Variants in MINDY2 observed in about 807,000 individuals in gnomAD.
MINDY2 encodes ubiquitin carboxyl-terminal hydrolase MINDY-2.
A neutral mutation model predicts 68.2 loss-of-function variants in MINDY2; 52 were observed. The ratio of observed to expected loss-of-function variants is 0.76; its 90% confidence interval spans 0.61 to 0.96. MINDY2 has a LOEUF of 0.96. Ranked by LOEUF, MINDY2 falls within the 40% of genes least tolerant of loss-of-function variation. The probability of loss-of-function intolerance (pLI) is 0.00; values close to 1 mark genes in which losing one functional copy is unlikely to be tolerated. For synonymous variants in MINDY2, 372 were observed against 303.0 expected, an observed-to-expected ratio of 1.23 and a Z score of -2.36; for missense variants, 881 against 773.4, an observed-to-expected ratio of 1.14 and a Z score of -1.65.
At chr15:58,843,708 C>T (rs1259364757) in intron 6 of MINDY2, among the ~76,000 whole-genome samples, 3 of 151,652 alleles carry the variant, frequency 2.0e-5, no homozygotes, top group Non-Finnish European at 4.4e-5. Context: ...GTGGTGGGCA[C>T]CTGTAGTCCC....
In MINDY2 at chr15:58,814,776, A is replaced by T. The variant is rs186885475; in HGVS notation, c.1122+4388A>T. On this transcript the variant is annotated intron_variant, in intron 4 of 8. Coordinates refer to ENST00000559228, the MANE Select transcript of MINDY2 (RefSeq NM_001040450.3). Reference sequence around the variant, plus strand: ...TCTCTTGTCAGATATATGACTTGGAAATATTCTTTAATTTTAACTTTTTTT... The same window carrying T: ...TCTCTTGTCAGATATATGACTTGGATATATTCTTTAATTTTAACTTTTTTT... Among the ~76,000 whole-genome samples, 66 of 150,974 alleles carry T rather than the reference A, an allele frequency of 4.4e-4. 1 individual carries two copies. The South Asian group carries it at 9.4e-3, about 22-fold the overall frequency.
chr15:58,837,968 CAA>C (rs34909401), intron 6 of MINDY2, among the ~76,000 whole-genome samples: 1,632 of 75,110 alleles, frequency 0.022, 18 homozygotes, highest in African/African-American at 0.051. Context: ...GACCTTCTTT[CAA>C]AAAAAAAAAA....
intron 6 of MINDY2, among the ~76,000 whole-genome samples, chr15:58,845,847 C>T (rs1279278325): frequency 1.3e-5 from 2 of 152,136 alleles, no homozygotes; most frequent in Admixed American, 6.5e-5. Context: ...ACATACACAA[C>T]GGAGCACTAT....
intron 4 of MINDY2, among the ~76,000 whole-genome samples, chr15:58,816,513 C>T (rs1489258375): frequency 6.6e-6 from 1 of 152,006 alleles, no homozygotes; most frequent in Non-Finnish European, 1.5e-5. Context: ...TCAAGGAATC[C>T]TCCCACCTCA....
intron 5 of MINDY2, among the ~76,000 whole-genome samples, chr15:58,829,462 A>G (rs1214058766): frequency 9.2e-5 from 14 of 152,176 alleles, no homozygotes; most frequent in African/African-American, 2.4e-4. Flanking sequence ...CTCTGAGCCT[A>G]TGTCCTATTC....
At chr15:58,825,154 T>C (rs1460900298) in intron 5 of MINDY2, among the ~76,000 whole-genome samples, 1 of 152,238 alleles carries the variant, frequency 6.6e-6, no homozygotes, top group Non-Finnish European at 1.5e-5. Flanking sequence ...TCAAACATTT[T>C]ATTTCCTATC....
In MINDY2 at chr15:58,772,053, GA is replaced by G; in HGVS notation, c.659del (p.Glu220GlyfsTer62). 1.2e-6 allele frequency: 2 copies of G among 1,607,712 alleles called. No individual in the cohort carries two copies. Among genetic ancestry groups the G allele is most frequent in the Non-Finnish European group, 1.7e-6 (2 of 1,176,650 alleles). On this transcript the variant is annotated frameshift_variant, in exon 1 of 9. Transcript: ENST00000559228. LOFTEE classifies it high-confidence loss of function. ...GCCCGGGGCTGTTCCTCTGTGCAAG[GA>G]GGAGGAGGGGGAGGAGACCGCTCAG... ...VLPGAVPLCK[E>X]EEGEETAQVL...
At chr15:58,810,585 C>G (rs2030167624) in intron 4 of MINDY2, among the ~76,000 whole-genome samples, 197 bp downstream of exon 4, 1 of 152,154 alleles carries the variant, frequency 6.6e-6, no homozygotes, top group East Asian at 1.9e-4. Flanking sequence ...CTCTAAGGAG[C>G]TAGGGCCCAA....
At chr15:58,776,080 G>A (rs1384914906) in intron 1 of MINDY2, among the ~76,000 whole-genome samples, 4 of 151,944 alleles carry the variant, frequency 2.6e-5, no homozygotes, top group African/African-American at 7.3e-5. Context: ...GGCTGGTCTC[G>A]AACTCCTGAC....
At chr15:58,847,204 C>T in intron 6 of MINDY2, 93 bp from the exon 7 acceptor site, 2 of 962,000 alleles carry the variant, frequency 2.1e-6, no homozygotes, top group East Asian at 5.1e-5. Flanking sequence ...TTAATATATT[C>T]TGAAGATACA....
At chr15:58,775,036 C>T (rs554685259) in intron 1 of MINDY2, among the ~76,000 whole-genome samples, 8 of 152,264 alleles carry the variant, frequency 5.3e-5, no homozygotes, top group Admixed American at 1.3e-4. Flanking sequence ...GAGCAGTATT[C>T]TCAAAGTGAG....
intron 5 of MINDY2, among the ~76,000 whole-genome samples, chr15:58,827,939 A>G (rs2031500752): frequency 6.6e-6 from 1 of 151,966 alleles, no homozygotes; most frequent in Admixed American, 6.6e-5. Flanking sequence ...CTGGAATCAA[A>G]TCATATGAGT....
At chr15:58,813,931 C>CTT (rs60131191) in intron 4 of MINDY2, among the ~76,000 whole-genome samples, 2 of 126,984 alleles carry the variant, frequency 1.6e-5, no homozygotes, top group Non-Finnish European at 3.3e-5. Context: ...ACTTGCATTT[C>CTT]TTTTTTTTTT....
intron 2 of MINDY2, among the ~76,000 whole-genome samples, chr15:58,798,241 C>G (rs115466037): frequency 1.3e-5 from 2 of 151,936 alleles, no homozygotes; most frequent in African/African-American, 4.8e-5. Flanking sequence ...CTCAGCTACC[C>G]GAGCAGCTGG....
intron 3 of MINDY2, among the ~76,000 whole-genome samples, chr15:58,804,120 A>T (rs1902862039): frequency 6.6e-6 from 1 of 151,390 alleles, no homozygotes; most frequent in African/African-American, 2.4e-5. Context: ...CAAAAAAAAA[A>T]GGAGGAGGAG....
chr15:58,787,953 G>A lies in MINDY2; in HGVS notation c.888G>A (p.Met296Ile). The A allele has an allele frequency of 1.3e-6, 2 of 1,584,888 alleles. No individual in the cohort carries two copies. Among genetic ancestry groups the A allele is most frequent in the Non-Finnish European group, 1.7e-6 (2 of 1,167,460 alleles). ...MMEIITAEQL[M>I]EYLGDYMLDA... ...AAATCATAACTGCTGAGCAGCTGAT[G>A]GAATATTTAGGTTAGTGTTGAAAAG... Residue 296 changes from methionine to isoleucine, a missense_variant, in exon 2 of 9, where the codon ATG (methionine) becomes ATA (isoleucine). By Grantham distance (10) the Met-to-Ile change is conservative. Coordinates refer to ENST00000559228, the MANE Select transcript of MINDY2 (RefSeq NM_001040450.3).
chr15:58,791,100 A>G (rs1567043598), intron 2 of MINDY2, among the ~76,000 whole-genome samples: 2 of 149,640 alleles, frequency 1.3e-5, no homozygotes, highest in South Asian at 4.3e-4. Context: ...GAATGGCTTG[A>G]ACCCAGGCGG....
At position 58,810,351 on chromosome 15, in the gene MINDY2, A is replaced by AT; in HGVS notation, c.1086dup (p.Ile363TyrfsTer14). 1 of 1,612,042 alleles carries AT rather than the reference A, an allele frequency of 6.2e-7. No individual in the cohort carries two copies. The highest frequency in any genetic ancestry group is 8.5e-7 in the Non-Finnish European group (1 of 1,179,390). On this transcript the variant is annotated frameshift_variant, in exon 4 of 9. Coordinates refer to ENST00000559228, the MANE Select transcript of MINDY2 (RefSeq NM_001040450.3). LOFTEE classifies it high-confidence loss of function. The stretch of plus-strand genomic sequence containing the variant: ...GAATGCATAGTATTTGATCTTCTTG[A>AT]TATTCCTTTGTACCATGGGTGGTTA...
At chr15:58,852,004 T>C (rs2140871546) in intron 8 of MINDY2, 39 bp downstream of exon 8, 1 of 1,472,762 alleles carries the variant, frequency 6.8e-7, no homozygotes, top group Middle Eastern at 1.8e-4. Flanking sequence ...GTGATGATCA[T>C]GGCTGGGTGT....
Sources: allele counts gnomAD v4.1 joint callset (sites outside exome capture counted in the v4.1 genomes callset), GRCh38; gene constraint gnomAD v4.1.1; transcripts MANE v1.5; gene names NCBI Gene and HGNC (gene_info 2026-07-23, HGNC 2026-07-21).